NRG3: variants seen among roughly 807,000 people sequenced by gnomAD.
NRG3 encodes neuregulin 3.
In NRG3, 31 loss-of-function variants were observed where a neutral mutation model predicts 66.9. That is an observed-to-expected ratio of 0.46 (90% confidence interval 0.35 to 0.63). NRG3 has a LOEUF of 0.63. NRG3 is among the 20% of genes least tolerant of loss of function. NRG3 has a pLI of 0.00. For missense variants in NRG3, 910 were observed against 878.9 expected (o/e 1.04, Z -0.45); for synonymous variants, 393 against 359.4 (o/e 1.09, Z -1.06).
At chr10:82,932,781 G>A (rs1359823505) in intron 4 of NRG3, among the ~76,000 whole-genome samples, 1 of 152,170 alleles carries the variant, frequency 6.6e-6, no homozygotes, top group Non-Finnish European at 1.5e-5. Context: ...TTCTAAAGAG[G>A]AGGAAGGTCA....
rs778505747 is a variant in NRG3 at position 82,935,982 on chromosome 10, GT to G, written c.1055-15485del. 2.6e-5 allele frequency among the ~76,000 whole-genome samples: 4 copies of G among 152,204 alleles called. No individual in the cohort carries two copies. The East Asian group carries it at 5.8e-4, about 22-fold the overall frequency. Reference sequence around the variant, plus strand: ...TTTGGTATTAGATGTCAGTTTAATAGTTACATGGGTAGAGAAGGTGGCTAGT... The same window carrying G: ...TTTGGTATTAGATGTCAGTTTAATAGTACATGGGTAGAGAAGGTGGCTAGT... On this transcript the variant is annotated intron_variant, in intron 4 of 8. Transcript: ENST00000372141.
At chr10:82,308,852 T>G (rs1176510514) in intron 1 of NRG3, among the ~76,000 whole-genome samples, 1 of 152,144 alleles carries the variant, frequency 6.6e-6, no homozygotes, top group Non-Finnish European at 1.5e-5. Context: ...TGGCAGGAAG[T>G]GCTGTGGTTT....
rs577736028 is a variant in NRG3, at chr10:82,740,626, C to T, written c.1027+1976C>T. 1.2e-4 allele frequency among the ~76,000 whole-genome samples: 18 copies of T among 152,110 alleles called. No individual in the cohort carries two copies. The South Asian group carries it at 3.7e-3, about 32-fold the overall frequency. On this transcript the variant is annotated intron_variant, in intron 3 of 8. Transcript: ENST00000372141. ...GATGCTTGAGGTCAGGAGTTTGAGA[C>T]CAGCCTGGCCAACATGGTGAAACCC... is the stretch of plus-strand genomic sequence containing the variant.
rs184097307 is a variant in NRG3 at position 82,080,813 on chromosome 10, C to T, written c.823+204650C>T. On this transcript the variant is annotated intron_variant, in intron 1 of 8. Transcript: ENST00000372141. ...AGAGGCATTAGATACATTCACAATA[C>T]TGTGCAAACATCACCACTATCTATA... Among the ~76,000 whole-genome samples the T allele has an allele frequency of 1.3e-3, 204 of 152,266 alleles. 1 individual carries two copies. Among genetic ancestry groups the T allele is most frequent in the African/African-American group, 4.6e-3 (190 of 41,566 alleles).
intron 2 of NRG3, among the ~76,000 whole-genome samples, chr10:82,670,331 A>C (rs2053168698): frequency 6.6e-6 from 1 of 152,146 alleles, no homozygotes; most frequent in African/African-American, 2.4e-5. Context: ...ACACATCAAC[A>C]AAAATGTGCA....
intron 1 of NRG3, among the ~76,000 whole-genome samples, chr10:81,897,170 G>A (rs544992630): frequency 1.4e-4 from 22 of 152,248 alleles, no homozygotes; most frequent in South Asian, 1.0e-3. Context: ...AATGGCCAGC[G>A]TGCCTGAGCA....
chr10:82,710,325 C>T (rs1318934733), intron 2 of NRG3, among the ~76,000 whole-genome samples: 1 of 152,184 alleles, frequency 6.6e-6, no homozygotes, highest in Non-Finnish European at 1.5e-5. Context: ...GTGGCTCACA[C>T]ATGTAATCAC....
intron 2 of NRG3, among the ~76,000 whole-genome samples, chr10:82,736,069 A>C (rs1404494160): frequency 6.6e-6 from 1 of 152,208 alleles, no homozygotes; most frequent in Non-Finnish European, 1.5e-5. Context: ...CATTTCTATT[A>C]TATGAATTTT....
rs192054843 is a variant in NRG3 at position 82,572,725 on chromosome 10, T to A, written c.954-165852T>A. On this transcript the variant is annotated intron_variant, in intron 2 of 8. Transcript: ENST00000372141. ...TAATGTAAAAAATGTGAATACCTGA[T>A]CAGAGGAGTTGCTTAAGAAATGTCT... Among the ~76,000 whole-genome samples the A allele has an allele frequency of 1.1e-4, 16 of 151,828 alleles. No individual in the cohort carries two copies. In the East Asian group the frequency reaches 3.1e-3, roughly 29 times the overall value.
At chr10:82,585,896 C>CA (rs2046641225) in intron 2 of NRG3, among the ~76,000 whole-genome samples, 1 of 152,086 alleles carries the variant, frequency 6.6e-6, no homozygotes, top group East Asian at 1.9e-4. Context: ...GATATTAACA[C>CA]AATAATGTGT....
intron 2 of NRG3, among the ~76,000 whole-genome samples, chr10:82,569,987 G>A (rs1426792694): frequency 6.6e-6 from 1 of 151,506 alleles, no homozygotes; most frequent in Non-Finnish European, 1.5e-5. Flanking sequence ...TTAGTTTTAA[G>A]TGTTAAAATC....
chr10:81,897,517 TC>T (rs1843635005), intron 1 of NRG3, among the ~76,000 whole-genome samples: 1 of 146,696 alleles, frequency 6.8e-6, no homozygotes, highest in Non-Finnish European at 1.5e-5. Context: ...AAATCAAGAC[TC>T]CCTCCTAGGT....
intron 2 of NRG3, among the ~76,000 whole-genome samples, chr10:82,581,409 T>C (rs186460529): frequency 1.1e-4 from 17 of 152,196 alleles, no homozygotes; most frequent in Middle Eastern, 6.8e-3. Context: ...TTCTTAATGG[T>C]ATTCTTCACA....
chr10:82,301,883 C>G (rs1001174472), intron 1 of NRG3, among the ~76,000 whole-genome samples: 2 of 151,738 alleles, frequency 1.3e-5, no homozygotes, highest in African/African-American at 2.4e-5. Flanking sequence ...CATCACATCA[C>G]TTTTTTGTGT....
At chr10:81,895,553 A>G (rs1843437652) in intron 1 of NRG3, among the ~76,000 whole-genome samples, 1 of 152,124 alleles carries the variant, frequency 6.6e-6, no homozygotes, top group African/African-American at 2.4e-5. Flanking sequence ...GAAAATCAGC[A>G]ATTAGAATCA....
At chr10:82,259,715 C>A (rs1466589413) in intron 1 of NRG3, among the ~76,000 whole-genome samples, 1 of 152,106 alleles carries the variant, frequency 6.6e-6, no homozygotes, top group Non-Finnish European at 1.5e-5. Context: ...ATTGCATCAG[C>A]CCCGGAGTTT....
At chr10:81,915,229 G>T (rs1396523643) in intron 1 of NRG3, among the ~76,000 whole-genome samples, 1 of 152,090 alleles carries the variant, frequency 6.6e-6, no homozygotes, top group Non-Finnish European at 1.5e-5. Flanking sequence ...CAGACTTGAG[G>T]CTATTTGCTT....
intron 1 of NRG3, among the ~76,000 whole-genome samples, chr10:82,249,687 G>T (rs2077398149): frequency 6.6e-6 from 1 of 152,196 alleles, no homozygotes; most frequent in Non-Finnish European, 1.5e-5. Context: ...TCTGAATGGT[G>T]TGGGAAACAT....
At chr10:82,306,724 A>G (rs2080754614) in intron 1 of NRG3, among the ~76,000 whole-genome samples, 1 of 149,996 alleles carries the variant, frequency 6.7e-6, no homozygotes, top group Non-Finnish European at 1.5e-5. Context: ...AAAAAAAAAA[A>G]AAAAAAAAAA....
Sources: allele counts gnomAD v4.1 joint callset (sites outside exome capture counted in the v4.1 genomes callset), GRCh38; gene constraint gnomAD v4.1.1; transcripts MANE v1.5; gene names NCBI Gene and HGNC (gene_info 2026-07-23, HGNC 2026-07-21).